MTMR1: variants seen among roughly 807,000 people sequenced by gnomAD.
MTMR1 encodes myotubularin related protein 1, also known as phosphatidylinositol-3-phosphate phosphatase MTMR1.
Under a neutral mutation model 51.6 loss-of-function variants are expected in MTMR1, and 17 were observed. The ratio of observed to expected loss-of-function variants is 0.33; its 90% CI spans 0.23 to 0.49. The LOEUF is 0.49. Ranked by LOEUF, MTMR1 falls within the 20% of genes least tolerant of loss-of-function variation. The pLI is 0.99. For missense variants in MTMR1, 386 were observed against 526.9 expected, an observed-to-expected ratio of 0.73 and a Z score of 2.62; for synonymous variants, 201 against 205.6, an observed-to-expected ratio of 0.98 and a Z score of 0.19.
chrX:150,758,349 T>TCCTCCAGAGAGG (rs2042968428), intron 15 of MTMR1, among the ~76,000 whole-genome samples: 1 of 111,447 alleles, frequency 9.0e-6, no homozygotes, highest in African/African-American at 3.3e-5. Context: ...CGCTCCACCT[T>TCCTCCAGAGAGG]CCTCCAGAGA....
intron 9 of MTMR1, 58 bp downstream of exon 9, chrX:150,731,677 G>A: frequency 9.9e-7 from 1 of 1,008,932 alleles, no homozygotes; most frequent in Non-Finnish European, 1.3e-6. Flanking sequence ...ATCTAATATG[G>A]AGAGATTTAA....
chrX:150,742,231 T>C (rs1411999054), intron 12 of MTMR1, among the ~76,000 whole-genome samples: 16 of 112,231 alleles, frequency 1.4e-4, no homozygotes, highest in African/African-American at 5.2e-4. Context: ...ATCTAGGCTA[T>C]ATGGTACAGC....
chrX:150,737,851 G>A (rs1410978677), intron 12 of MTMR1, among the ~76,000 whole-genome samples: 1 of 111,504 alleles, frequency 9.0e-6, no homozygotes, highest in Non-Finnish European at 1.9e-5. Flanking sequence ...CAGATCACCT[G>A]AGGTCAGGAG....
chrX:150,762,030 C>A (rs1569565780), intron 15 of MTMR1, among the ~76,000 whole-genome samples: 1 of 112,797 alleles, frequency 8.9e-6, no homozygotes, highest in African/African-American at 3.2e-5. Flanking sequence ...GCACTGCCCG[C>A]TCCGGGGGGC....
At chrX:150,717,960 A>T (rs945406057) in intron 3 of MTMR1, among the ~76,000 whole-genome samples, 2 of 112,882 alleles carry the variant, frequency 1.8e-5, no homozygotes, top group Admixed American at 9.3e-5. Flanking sequence ...TGCCTGCCAG[A>T]TGAGAGCACA....
chrX:150,760,130 A>G (rs923523529), intron 15 of MTMR1, among the ~76,000 whole-genome samples: 1 of 109,027 alleles, frequency 9.2e-6, no homozygotes, highest in Non-Finnish European at 2.0e-5. Flanking sequence ...AGAGAGAACC[A>G]AAAAAGAGTA....
At chrX:150,703,872 A>G (rs927467772) in intron 2 of MTMR1, among the ~76,000 whole-genome samples, 8 of 85,764 alleles carry the variant, frequency 9.3e-5, no homozygotes, top group Non-Finnish European at 1.8e-4. Context: ...CCCACCTAAC[A>G]GCAATTAAAT....
intron 4 of MTMR1, 170 bp from the exon 5 acceptor site, chrX:150,727,045 T>G: frequency 3.2e-6 from 1 of 308,385 alleles, no homozygotes; most frequent in Non-Finnish European, 5.7e-6. Context: ...TTGAAATTTA[T>G]TAGAAGACTA....
intron 10 of MTMR1, among the ~76,000 whole-genome samples, chrX:150,733,322 C>T (rs782334631): frequency 2.6e-4 from 29 of 111,277 alleles, no homozygotes; most frequent in Non-Finnish European, 4.3e-4. Context: ...CATTGCTCCT[C>T]GAACTTGGTC....
intron 4 of MTMR1, among the ~76,000 whole-genome samples, chrX:150,725,277 G>T (rs1292893838): frequency 9.0e-6 from 1 of 111,468 alleles, no homozygotes; most frequent in Non-Finnish European, 1.9e-5. Context: ...TCATTGTACA[G>T]ATCTTTCACC....
intron 14 of MTMR1, among the ~76,000 whole-genome samples, chrX:150,753,781 ACTTT>A (rs2042824300): frequency 9.0e-6 from 1 of 111,439 alleles, no homozygotes. Flanking sequence ...GTTTTTTTTT[ACTTT>A]CTTCATGGTG....
At chrX:150,721,411 G>A (rs898609228) in intron 4 of MTMR1, among the ~76,000 whole-genome samples, 5 of 111,256 alleles carry the variant, frequency 4.5e-5, no homozygotes, top group African/African-American at 9.8e-5. Context: ...TGGACTTTGC[G>A]TTTCTTTTGT....
intron 2 of MTMR1, among the ~76,000 whole-genome samples, chrX:150,711,331 T>C (rs1288035355): frequency 3.6e-5 from 4 of 112,470 alleles, no homozygotes; most frequent in African/African-American, 1.3e-4. Flanking sequence ...ACAGTGATTT[T>C]TTTGAATCTG....
chrX:150,733,339 C>T (rs187704009), intron 10 of MTMR1, among the ~76,000 whole-genome samples: 21 of 111,583 alleles, frequency 1.9e-4, no homozygotes, highest in Admixed American at 1.8e-3. Context: ...GGTCTGGGGT[C>T]CTCTTTGCTC....
intron 2 of MTMR1, among the ~76,000 whole-genome samples, chrX:150,701,693 C>T (rs1406206424): frequency 8.9e-6 from 1 of 111,798 alleles, no homozygotes; most frequent in Non-Finnish European, 1.9e-5. Context: ...AGCCTTAAAA[C>T]AACCTAGTGA....
rs1476822944 is a variant in MTMR1, at chrX:150,693,544, C to T, written c.14C>T (p.Ala5Val). Residue 5 changes from alanine (A) to valine (V), a missense_variant, in exon 1 of 16, where the codon GCG becomes GTG. Coordinates refer to ENST00000445323, the MANE Select transcript of MTMR1 (RefSeq NM_001306144.3). Reference protein sequence around the residue: MDRPAAAAAAGCEGG... With the variant: MDRPVAAAAAGCEGG... ...ACTCGGCGCGCCATGGACAGGCCGG[C>T]GGCGGCGGCGGCGGCGGGCTGCGAG... The T allele has an allele frequency of 5.3e-6, 4 of 753,250 alleles. No homozygotes were observed. In the African/African-American group the frequency reaches 7.0e-5, roughly 13 times the overall value. 62.1% of individuals were successfully genotyped at this position (753,250 alleles called of 1,213,427 possible).
At chrX:150,698,849 G>A (rs2040800921) in intron 1 of MTMR1, among the ~76,000 whole-genome samples, 1 of 109,456 alleles carries the variant, frequency 9.1e-6, no homozygotes, top group Non-Finnish European at 1.9e-5. Flanking sequence ...CAGCCTGGGT[G>A]ACAGAGTGAG....
intron 14 of MTMR1, among the ~76,000 whole-genome samples, chrX:150,751,468 G>A (rs782710425): frequency 4.3e-4 from 48 of 111,505 alleles, no homozygotes; most frequent in African/African-American, 1.5e-3. Flanking sequence ...GAATTCAGGA[G>A]AAAGCAGTCT....
intron 15 of MTMR1, among the ~76,000 whole-genome samples, chrX:150,757,270 C>A (rs1557417794): frequency 8.9e-6 from 1 of 112,638 alleles, no homozygotes; most frequent in African/African-American, 3.2e-5. Flanking sequence ...GCCTTAGCTC[C>A]ATGCTCCATC....
Sources: allele counts gnomAD v4.1 joint callset (sites outside exome capture counted in the v4.1 genomes callset), GRCh38; gene constraint gnomAD v4.1.1; transcripts MANE v1.5; gene names NCBI Gene and HGNC (gene_info 2026-07-23, HGNC 2026-07-21).